ATXN1: variants seen among roughly 807,000 people sequenced by gnomAD.
ATXN1 encodes the protein ataxin 1, also known as ataxin-1.
A neutral mutation model predicts 56.4 loss-of-function variants in ATXN1; 8 were observed. The observed-to-expected ratio is 0.14, with a 90% CI of 0.08 to 0.26. ATXN1 has a LOEUF of 0.26. Among genes scored for constraint, ATXN1 ranks in the 10% least tolerant of loss-of-function variants. ATXN1 has a pLI of 1.00. For synonymous variants in ATXN1, 514 were observed against 494.6 expected, an observed-to-expected ratio of 1.04 and a Z score of -0.52; for missense variants, 987 against 1,106.5, an observed-to-expected ratio of 0.89 and a Z score of 1.53.
intron 4 of ATXN1, among the ~76,000 whole-genome samples, chr6:16,547,497 G>A (rs1761835643): frequency 6.6e-6 from 1 of 152,190 alleles, no homozygotes; most frequent in African/African-American, 2.4e-5. Context: ...CTACCTGCCT[G>A]TGTTAGTTTC....
intron 2 of ATXN1, among the ~76,000 whole-genome samples, chr6:16,681,918 T>C (rs1758820294): frequency 6.6e-6 from 1 of 152,160 alleles, no homozygotes; most frequent in Non-Finnish European, 1.5e-5. Flanking sequence ...GGGGAAAAGA[T>C]GCATGATTAA....
At chr6:16,543,655 AG>A (rs1761759145) in intron 4 of ATXN1, among the ~76,000 whole-genome samples, 1 of 125,568 alleles carries the variant, frequency 8.0e-6, no homozygotes, top group Non-Finnish European at 1.8e-5. Context: ...AAAAAAAAAG[AG>A]AGAGAGAGAG....
At chr6:16,379,760 A>G (rs1762214518) in intron 6 of ATXN1, among the ~76,000 whole-genome samples, 1 of 152,208 alleles carries the variant, frequency 6.6e-6, no homozygotes, top group Non-Finnish European at 1.5e-5. Context: ...AGGCATCAGC[A>G]AGACGCTGGA....
intron 4 of ATXN1, among the ~76,000 whole-genome samples, chr6:16,578,215 C>G (rs1255203686): frequency 6.6e-6 from 1 of 152,140 alleles, no homozygotes; most frequent in Non-Finnish European, 1.5e-5. Flanking sequence ...TGCCCAGGTT[C>G]CCTTATCATC....
At chr6:16,732,291 C>T (rs1234686798) in intron 2 of ATXN1, among the ~76,000 whole-genome samples, 1 of 152,082 alleles carries the variant, frequency 6.6e-6, no homozygotes, top group African/African-American at 2.4e-5. Context: ...ATCACTCCGG[C>T]CGGGTGTGGT....
intron 4 of ATXN1, among the ~76,000 whole-genome samples, chr6:16,550,037 C>A (rs1014952217): frequency 1.3e-5 from 2 of 150,482 alleles, no homozygotes; most frequent in Admixed American, 6.7e-5. Flanking sequence ...GGGGAGGGAA[C>A]CTAGATGACA....
At chr6:16,441,422 G>C (rs1561897154) in intron 6 of ATXN1, among the ~76,000 whole-genome samples, 1 of 151,860 alleles carries the variant, frequency 6.6e-6, no homozygotes, top group Non-Finnish European at 1.5e-5. Flanking sequence ...AAAAATACAA[G>C]AAAACTCATT....
At chr6:16,670,927 G>A (rs1758527433) in intron 2 of ATXN1, among the ~76,000 whole-genome samples, 1 of 152,088 alleles carries the variant, frequency 6.6e-6, no homozygotes, top group Admixed American at 6.5e-5. Context: ...ATTTCATTTC[G>A]ATGTTACATG....
chr6:16,410,395 C>T lies in ATXN1; in HGVS notation c.-161+75577G>A, dbSNP rs1443827845. On this transcript the variant is annotated intron_variant, in intron 6 of 7. Transcript: ENST00000436367. This position sits in a 1 kb window ranked among gnomAD's most constrained non-coding sequence, Gnocchi z 4.6. Reference sequence around the variant, plus strand: ...CTGAAATGAACAGTGAAGACTAAATCTGACTTACAAAGGTGAGGAGCAGGG... The same window carrying T: ...CTGAAATGAACAGTGAAGACTAAATTTGACTTACAAAGGTGAGGAGCAGGG... 6.6e-6 allele frequency among the ~76,000 whole-genome samples: 1 copy of T among 152,206 alleles called. No individual in the cohort carries two copies. The highest frequency in any genetic ancestry group is 1.9e-4 in the East Asian group (1 of 5,198).
chr6:16,638,709 T>C (rs1314400206), intron 3 of ATXN1, among the ~76,000 whole-genome samples: 15 of 152,192 alleles, frequency 9.9e-5, no homozygotes, highest in African/African-American at 3.1e-4. Flanking sequence ...TGAGTACACG[T>C]GACTAAATAG....
chr6:16,330,980 G>A (rs776018796), intron 6 of ATXN1, among the ~76,000 whole-genome samples: 7 of 152,144 alleles, frequency 4.6e-5, no homozygotes, highest in Non-Finnish European at 8.8e-5. Context: ...AAGGAGTAAT[G>A]TCACTTATTT....
chr6:16,679,161 T>A (rs762198477), intron 2 of ATXN1, among the ~76,000 whole-genome samples: 1 of 148,042 alleles, frequency 6.8e-6, no homozygotes, highest in Non-Finnish European at 1.5e-5. Context: ...GGTGGATGGA[T>A]GAATAGATGG....
intron 3 of ATXN1, 31 bp from the exon 4 acceptor site, chr6:16,585,938 G>A (rs910449948): frequency 9.9e-5 from 15 of 152,130 alleles, no homozygotes; most frequent in African/African-American, 3.6e-4. Context: ...TTCTCACTGA[G>A]TTAGGCTGCT....
intron 6 of ATXN1, among the ~76,000 whole-genome samples, chr6:16,401,870 G>A (rs935477920): frequency 2.6e-5 from 4 of 152,106 alleles, no homozygotes; most frequent in Non-Finnish European, 4.4e-5. Context: ...AGACATACCC[G>A]AGACTGAGCA....
At chr6:16,526,878 G>A (rs551813444) in intron 4 of ATXN1, among the ~76,000 whole-genome samples, 3 of 151,832 alleles carry the variant, frequency 2.0e-5, no homozygotes, top group Non-Finnish European at 4.4e-5. Flanking sequence ...GTATTAAATC[G>A]CTAAGTCTGA....
rs1380376583 is a variant in ATXN1, at chr6:16,424,248, CGGGTTCAA to C, written c.-161+61716_-161+61723del. Among the ~76,000 whole-genome samples, 9 of 152,102 alleles carry C rather than the reference CGGGTTCAA, an allele frequency of 5.9e-5. No homozygotes were observed. In the East Asian group the frequency reaches 1.5e-3, roughly 26 times the overall value. ...CTCCTACAGGCAGAATCAAGAGCTACGGGTTCAAGGGACGAGAGGGAAGAAGGACACAA... is the reference window on the plus strand; with the variant it reads ...CTCCTACAGGCAGAATCAAGAGCTACGGGACGAGAGGGAAGAAGGACACAA... On this transcript the variant is annotated intron_variant, in intron 6 of 7. Coordinates refer to ENST00000436367, the MANE Select transcript of ATXN1 (RefSeq NM_001128164.2).
At chr6:16,309,539 A>G (rs116668861) in intron 7 of ATXN1, among the ~76,000 whole-genome samples, 1 of 152,240 alleles carries the variant, frequency 6.6e-6, no homozygotes, top group African/African-American at 2.4e-5. Context: ...AGAGGGAGAT[A>G]ATAGGGCAGA....
intron 4 of ATXN1, among the ~76,000 whole-genome samples, chr6:16,584,398 T>G (rs1446568711): frequency 6.6e-6 from 1 of 151,928 alleles, no homozygotes; most frequent in African/African-American, 2.4e-5. Flanking sequence ...CTTTTTGCTC[T>G]TTTTAAGAAA....
chr6:16,611,483 A>G (rs935251459), intron 3 of ATXN1, among the ~76,000 whole-genome samples: 3 of 152,240 alleles, frequency 2.0e-5, no homozygotes, highest in African/African-American at 7.2e-5. Flanking sequence ...GACAGGTATT[A>G]ATTCGTTTTG....
Sources: allele counts gnomAD v4.1 joint callset (sites outside exome capture counted in the v4.1 genomes callset), GRCh38; gene constraint gnomAD v4.1.1; non-coding constraint Gnocchi (gnomAD v3.1); transcripts MANE v1.5; gene names NCBI Gene and HGNC (gene_info 2026-07-23, HGNC 2026-07-21).